Variants in BEST3 observed in about 807,000 individuals in gnomAD.
BEST3 encodes the protein bestrophin 3, also known as bestrophin-3.
A neutral mutation model predicts 47.1 loss-of-function variants in BEST3; 50 were observed. That is an observed-to-expected ratio of 1.06 (90% CI 0.85 to 1.34). The LOEUF (loss-of-function observed/expected upper bound fraction) is 1.34, where lower values mean the gene tolerates loss of function less well. Ranked by LOEUF, BEST3 falls within the 40% of genes most tolerant of loss-of-function variation. The probability of loss-of-function intolerance (pLI) is 0.00; values close to 1 mark genes in which losing one functional copy is unlikely to be tolerated. For missense variants in BEST3, 765 were observed against 817.0 expected, an observed-to-expected ratio of 0.94 and a Z score of 0.78; for synonymous variants, 282 against 298.8, an observed-to-expected ratio of 0.94 and a Z score of 0.58.
chr12:69,687,694 T>G (rs1416940525), intron 4 of BEST3, among the ~76,000 whole-genome samples: 2 of 150,818 alleles, frequency 1.3e-5, no homozygotes, highest in Non-Finnish European at 2.9e-5. Flanking sequence ...TCCAAGGCTT[T>G]AAGAAAATTA....
downstream of BEST3, among the ~76,000 whole-genome samples, chr12:69,650,759 A>T (rs1343299813): frequency 6.6e-6 from 1 of 152,164 alleles, no homozygotes; most frequent in East Asian, 1.9e-4. Flanking sequence ...GGAGACACAT[A>T]ATGGGTTAGA....
chr12:69,663,608 C>A (rs974771283), intron 9 of BEST3, among the ~76,000 whole-genome samples: 1 of 152,134 alleles, frequency 6.6e-6, no homozygotes, highest in African/African-American at 2.4e-5. Flanking sequence ...GTGGGAGGAT[C>A]TCTTGAGATC....
intron 4 of BEST3, among the ~76,000 whole-genome samples, chr12:69,685,967 A>G (rs2136016383): frequency 6.6e-6 from 1 of 152,334 alleles, no homozygotes; most frequent in Admixed American, 6.5e-5. Context: ...AACTACACAT[A>G]GGTGAGTCAA....
intron 4 of BEST3, among the ~76,000 whole-genome samples, chr12:69,690,320 AG>A (rs1264178247): frequency 6.6e-6 from 1 of 152,236 alleles, no homozygotes; most frequent in Non-Finnish European, 1.5e-5. Context: ...GAAAGGGAAA[AG>A]TCTGAATGCA....
chr12:69,655,734 T>G lies in BEST3; in HGVS notation c.1180A>C (p.Arg394=). ...TGGGCACTCAGGAACCGCTTGACTC[T>G]TCTTATCATGGAATGCCGATGGCCA... is the stretch of plus-strand genomic sequence containing the variant. ...KHGHRHSMIR[R]VKRFLSAHEH... The change falls in exon 10 of 10, where the codon AGA becomes CGA. Residue 394 remains arginine (R), a synonymous_variant. Transcript: ENST00000330891. The G allele has an allele frequency of 6.2e-7, 1 of 1,613,922 alleles. No individual in the cohort carries two copies. Among genetic ancestry groups the G allele is most frequent in the South Asian group, 1.1e-5 (1 of 91,068 alleles).
At chr12:69,693,507 C>T (rs1886008437) in intron 4 of BEST3, among the ~76,000 whole-genome samples, 167 bp downstream of exon 4, 1 of 152,116 alleles carries the variant, frequency 6.6e-6, no homozygotes, top group Non-Finnish European at 1.5e-5. Flanking sequence ...TCAGATGATC[C>T]GCCCGCCTCC....
At chr12:69,667,927 T>A (rs1884331254) in intron 9 of BEST3, among the ~76,000 whole-genome samples, 1 of 152,206 alleles carries the variant, frequency 6.6e-6, no homozygotes, top group South Asian at 2.1e-4. Flanking sequence ...AAATTTGTGC[T>A]TAAGATAGAA....
chr12:69,682,660 T>C (rs761549860), intron 4 of BEST3, among the ~76,000 whole-genome samples: 5 of 152,168 alleles, frequency 3.3e-5, no homozygotes, highest in Non-Finnish European at 4.4e-5. Context: ...CACTGCAGCC[T>C]CAACCTCCTG....
In BEST3 at chr12:69,698,611, T is replaced by A. The variant is rs145435090; in HGVS notation, c.-16+594A>T. Among the ~76,000 whole-genome samples, 371 of 152,162 alleles carry A rather than the reference T, an allele frequency of 2.4e-3. 4 individuals are homozygous for A. The highest frequency in any genetic ancestry group is 8.4e-3 in the African/African-American group (349 of 41,500). ...TTCTCAAAAGGATCTATGAGGAGAG[T>A]CTTATAGAGCTACTTAGACTGAAAT... On this transcript the variant is annotated intron_variant, in intron 1 of 9. Transcript: ENST00000330891.
In BEST3 at chr12:69,655,071, G is replaced by T. The variant is rs746925365; in HGVS notation, c.1843C>A (p.Pro615Thr). 11 of 1,614,060 alleles carry T rather than the reference G, an allele frequency of 6.8e-6. No homozygotes were observed. Among genetic ancestry groups the T allele is most frequent in the African/African-American group, 1.3e-5 (1 of 74,938 alleles). ...GTTTCTGTGTCAATTAAAAGAGCTGGCTGAGAGCTCATGGGGTCTGGACTT... is the reference window on the plus strand; with the variant it reads ...GTTTCTGTGTCAATTAAAAGAGCTGTCTGAGAGCTCATGGGGTCTGGACTT... Reference protein sequence around the residue: ...NLSPDPMSSQPALLIDTETSS... With the variant: ...NLSPDPMSSQTALLIDTETSS... Residue 615 changes from proline to threonine, a missense_variant, in exon 10 of 10, where the codon CCA becomes ACA. By Grantham distance (38) the Pro-to-Thr change is conservative. Transcript: ENST00000330891.
chr12:69,660,641 T>C (rs1593141309), intron 9 of BEST3: 2 of 152,098 alleles, frequency 1.3e-5, no homozygotes, highest in South Asian at 2.1e-4. Context: ...TACACACTTA[T>C]TGTGCAATAG....
chr12:69,672,841 G>A (rs371263320), intron 8 of BEST3, 44 bp downstream of exon 8: 2 of 1,393,896 alleles, frequency 1.4e-6, no homozygotes, highest in Admixed American at 3.5e-5. Context: ...TATCGCAAGT[G>A]ATTTATTATT....
rs558898728 is a variant in BEST3 at position 69,653,710 on chromosome 12, G to A, written c.*1197C>T. On this transcript the variant is annotated 3_prime_UTR_variant, in exon 10 of 10. Transcript: ENST00000330891. ...TCGTAAGGCATGGCCTAGGCACTTG[G>A]GAGCCCACGACAAACAGCTGTCCTG... The A allele has an allele frequency of 1.6e-5, 16 of 985,352 alleles. No individual in the cohort carries two copies. In the South Asian group the frequency reaches 3.8e-4, roughly 23 times the overall value. 61.0% of individuals were successfully genotyped at this position (985,352 alleles called of 1,614,324 possible).
intron 4 of BEST3, chr12:69,687,458 C>A (rs1192804516): frequency 2.0e-5 from 3 of 148,828 alleles, no homozygotes; most frequent in Non-Finnish European, 3.0e-5. Context: ...CATAGTGAGA[C>A]TCTGTATCAA....
At chr12:69,659,561 C>T (rs1883741212) in intron 9 of BEST3, among the ~76,000 whole-genome samples, 2 of 152,096 alleles carry the variant, frequency 1.3e-5, no homozygotes, top group South Asian at 4.1e-4. Context: ...CTATGTTGCC[C>T]AGGCTGGTCT....
intron 9 of BEST3, among the ~76,000 whole-genome samples, chr12:69,648,453 G>C (rs1883107143): frequency 2.0e-5 from 3 of 152,180 alleles, no homozygotes; most frequent in African/African-American, 7.2e-5. Context: ...ATGTATACAA[G>C]CAAAGGGCTT....
In BEST3 at chr12:69,693,801, G is replaced by T; in HGVS notation, c.354C>A (p.Asp118Glu). The T allele has an allele frequency of 6.2e-7, 1 of 1,614,116 alleles. No homozygotes were observed. Among genetic ancestry groups the T allele is most frequent in the South Asian group, 1.1e-5 (1 of 91,064 alleles). Residue 118 changes from aspartate (D) to glutamate (E), a missense_variant, in exon 4 of 10, where the codon GAC (aspartate) becomes GAA (glutamate). Transcript: ENST00000330891. ...FLISSSVHGS[D>E]EHGRLLRRTL... ...TCCTTCTAAGCAGGCGCCCGTGCTC[G>T]TCGCTTCCGTGAACACTGCTAGAGA...
chr12:69,649,291 C>T (rs1883138052), downstream of BEST3, among the ~76,000 whole-genome samples: 1 of 152,206 alleles, frequency 6.6e-6, no homozygotes, highest in Admixed American at 6.5e-5. Flanking sequence ...AGCCACTGTG[C>T]CGGATTTGTT....
chr12:69,673,501 A>C (rs954210071), intron 7 of BEST3, among the ~76,000 whole-genome samples: 1 of 152,130 alleles, frequency 6.6e-6, no homozygotes, highest in African/African-American at 2.4e-5. Context: ...GCAGTGGCAT[A>C]ATCTCGGCTC....
Sources: gnomAD v4.1 joint callset for allele counts (sites outside exome capture counted in the v4.1 genomes callset) on GRCh38, gnomAD v4.1.1 for gene constraint, MANE v1.5 for transcripts, NCBI Gene and HGNC (gene_info 2026-07-23, HGNC 2026-07-21) for gene names.